Variants in ZAN observed in about 807,000 individuals in gnomAD.
The protein encoded by ZAN is zonadhesin.
In ZAN, 260 loss-of-function variants were observed where a neutral mutation model predicts 286.2. That is an observed-to-expected ratio of 0.91 (90% CI 0.82 to 1.01). The LOEUF (loss-of-function observed/expected upper bound fraction) is 1.01. ZAN is among the 50% of genes least tolerant of loss of function. ZAN has a pLI of 0.00. For missense variants in ZAN, 3,410 were observed against 3,639.2 expected (o/e 0.94, Z 1.62); for synonymous variants, 1,368 against 1,417.5 (o/e 0.97, Z 0.79).
At position 100,755,265 on chromosome 7, in the gene ZAN, G is replaced by C. The variant is rs574369357; in HGVS notation, c.3164G>C (p.Cys1055Ser). ...PPNARYESCA[C>S]PASCKSPRPS... ...AATGCCCGCTACGAATCCTGTGCTT[G>C]TCCTGCTTCGTGCAAGAGCCCCAGG... The change falls in exon 15 of 48, where the codon TGT (cysteine) becomes TCT (serine). Residue 1055 changes from cysteine (C) to serine (S), a missense_variant. This residue lies in a region of ZAN where 1,042 missense variants were observed against 1,058.0 expected (regional missense o/e 0.98). Transcript: ENST00000613979. 32 of 1,613,692 alleles carry C rather than the reference G, an allele frequency of 2.0e-5. No individual in the cohort carries two copies. The South Asian group carries it at 3.3e-4, about 17-fold the overall frequency.
intron 27 of ZAN, 114 bp downstream of exon 27, chr7:100,768,835 A>G: frequency 1.2e-6 from 1 of 817,024 alleles, no homozygotes; most frequent in Non-Finnish European, 1.9e-6. Context: ...TGTACCTCCC[A>G]ACTGGCAGGA....
intron 28 of ZAN, among the ~76,000 whole-genome samples, chr7:100,770,718 G>A (rs111459467): frequency 0.024 from 3,694 of 151,368 alleles, 159 homozygotes; most frequent in African/African-American, 0.082. Context: ...GCAGTGGCAC[G>A]ATCACAGCTC....
At chr7:100,759,549 G>A (rs541544787) in intron 17 of ZAN, among the ~76,000 whole-genome samples, 172 bp from the exon 18 acceptor site, 2 of 152,266 alleles carry the variant, frequency 1.3e-5, no homozygotes, top group South Asian at 4.1e-4. Flanking sequence ...AGGCTCTTCT[G>A]GAAGAGGCAG....
In ZAN at chr7:100,767,467, GTTTTTTTT is replaced by G. The variant is rs35803818; in HGVS notation, c.4860+229_4860+236del. ...CCCCTCCTGCTCCCAGTTTTTTGCCGTTTTTTTTTTTTTTTTTTTTTTTTTTGAGACAG... is the reference window on the plus strand; with the variant it reads ...CCCCTCCTGCTCCCAGTTTTTTGCCGTTTTTTTTTTTTTTTTTTGAGACAG... On this transcript the variant is annotated intron_variant, in intron 25 of 47. Transcript: ENST00000613979. Among the ~76,000 whole-genome samples the G allele has an allele frequency of 5.1e-5, 4 of 77,972 alleles. No individual in the cohort carries two copies. The South Asian group carries it at 1.8e-3, about 35-fold the overall frequency. 51.2% of individuals were successfully genotyped at this position (77,972 alleles called of 152,430 possible).
intron 29 of ZAN, 29 bp downstream of exon 29, chr7:100,772,049 C>T: frequency 6.5e-7 from 1 of 1,546,318 alleles, no homozygotes; most frequent in Admixed American, 2.0e-5. Context: ...GTTCCCACAG[C>T]CCATAGGCAC....
chr7:100,736,675 G>A lies in ZAN; in HGVS notation c.253+46G>A, dbSNP rs1236506184. 47 of 1,511,618 alleles carry A rather than the reference G, an allele frequency of 3.1e-5. 10 individuals are homozygous for A. The highest frequency in any genetic ancestry group is 4.2e-5 in the Non-Finnish European group (46 of 1,103,364). 93.6% of individuals were successfully genotyped at this position (1,511,618 alleles called of 1,614,324 possible). A position where few individuals can be genotyped will look rare whatever the true frequency, so the allele number is the denominator to read the frequency against. ...GGGGACCATGAGCAGGGAGGTGGCT[G>A]GGAGGCGGGAGTGGCTAGATGGAGA... On this transcript the variant is annotated intron_variant, in intron 4 of 47. Coordinates refer to ENST00000613979, the MANE Select transcript of ZAN (RefSeq NM_003386.3).
intron 26 of ZAN, 62 bp downstream of exon 26, chr7:100,768,073 C>T: frequency 6.5e-7 from 1 of 1,535,400 alleles, no homozygotes; most frequent in Non-Finnish European, 8.8e-7. Context: ...GACCTGGTCC[C>T]AGCTCCCCCA....
Position 100,746,676 on chromosome 7 carries a change from C to T in ZAN, c.905C>T (p.Ala302Val), listed in dbSNP as rs1260014515. The T allele has an allele frequency of 6.2e-7, 1 of 1,613,824 alleles. No homozygotes were observed. Among genetic ancestry groups the T allele is most frequent in the Non-Finnish European group, 8.5e-7 (1 of 1,179,898 alleles). Residue 302 changes from alanine (A) to valine (V), a missense_variant, in exon 8 of 48, where the codon GCC becomes GTC. Coordinates refer to ENST00000613979, the MANE Select transcript of ZAN (RefSeq NM_003386.3). ...YILRGQSPGA[A>V]LHIYASVLGS... ...CTCCGGGGCCAGTCTCCTGGTGCAG[C>T]CCTCCACATTTATGCTTCAGTCTTG...
At chr7:100,746,194 C>A (rs922307936) in intron 7 of ZAN, among the ~76,000 whole-genome samples, 1 of 152,042 alleles carries the variant, frequency 6.6e-6, no homozygotes, top group South Asian at 2.1e-4. Flanking sequence ...GCCATGATTG[C>A]GCCACTGCAC....
At chr7:100,737,223 A>AG (rs1384323888) in intron 5 of ZAN, 39 bp from the exon 6 acceptor site, 1 of 1,427,040 alleles carries the variant, frequency 7.0e-7, no homozygotes, top group African/African-American at 1.5e-5. Flanking sequence ...GGCCTGGCTG[A>AG]GGGGCTCATG....
intron 19 of ZAN, among the ~76,000 whole-genome samples, chr7:100,761,596 T>G (rs1809583570): frequency 6.6e-6 from 1 of 152,016 alleles, no homozygotes; most frequent in Non-Finnish European, 1.5e-5. Flanking sequence ...ATTGCACCAC[T>G]GTGCTCCAGC....
rs866767725 is a variant in ZAN at position 100,748,525 on chromosome 7, A to G, written c.1249+55A>G. The G allele has an allele frequency of 2.6e-5, 40 of 1,559,080 alleles. 1 individual carries two copies. The Middle Eastern group carries it at 5.6e-4, about 22-fold the overall frequency. Reference sequence around the variant, plus strand: ...GAAATCACTCAGTCTGCTCCCAGGTAGCAGGCTGGCTGCTGTGACTGATGG... The same window carrying G: ...GAAATCACTCAGTCTGCTCCCAGGTGGCAGGCTGGCTGCTGTGACTGATGG... On this transcript the variant is annotated intron_variant, in intron 11 of 47. Transcript: ENST00000613979.
At chr7:100,776,673 C>A in intron 34 of ZAN, 109 bp downstream of exon 34, 1 of 655,828 alleles carries the variant, frequency 1.5e-6, no homozygotes, top group Non-Finnish European at 2.1e-6. Context: ...CCCCTTCCTT[C>A]CTTTCTTCCT....
At chr7:100,765,210 G>A in intron 22 of ZAN, 142 bp from the exon 23 acceptor site, 1 of 988,936 alleles carries the variant, frequency 1.0e-6, no homozygotes, top group East Asian at 2.6e-5. Context: ...GGCTCCTTGG[G>A]GAAGCTTCTC....
Position 100,755,429 on chromosome 7 carries a change from T to G in ZAN, c.3309+19T>G. The G allele has an allele frequency of 1.9e-6, 3 of 1,608,250 alleles. No individual in the cohort carries two copies. Among genetic ancestry groups the G allele is most frequent in the Non-Finnish European group, 2.5e-6 (3 of 1,176,908 alleles). ...CTATGAGGTAAGCCCCCCGGGATGC[T>G]GGGGTCCCATGAGGGAGATTGATGG... On this transcript the variant is annotated intron_variant, in intron 15 of 47. Coordinates refer to ENST00000613979, the MANE Select transcript of ZAN (RefSeq NM_003386.3).
intron 17 of ZAN, among the ~76,000 whole-genome samples, chr7:100,759,349 T>C (rs925760932): frequency 6.6e-6 from 1 of 152,152 alleles, no homozygotes; most frequent in Non-Finnish European, 1.5e-5. Flanking sequence ...GAGGCTGCAG[T>C]GAGCTATGAT....
intron 27 of ZAN, 61 bp downstream of exon 27, chr7:100,768,782 G>T: frequency 2.1e-6 from 3 of 1,441,856 alleles, no homozygotes; most frequent in Non-Finnish European, 1.9e-6. Context: ...GCCTCGGGGG[G>T]CAGCTTGGAA....
chr7:100,762,094 C>G, intron 19 of ZAN, 121 bp from the exon 20 acceptor site: 3 of 1,281,226 alleles, frequency 2.3e-6, no homozygotes, highest in South Asian at 1.3e-5. Flanking sequence ...CAGTCCGCAC[C>G]TCTTCATCCT....
chr7:100,738,871 T>TCTCCTTCTC lies in ZAN; in HGVS notation c.766+260_766+261insCCTTCTCCT, dbSNP rs1554396765. 4.6e-4 allele frequency among the ~76,000 whole-genome samples: 11 copies of TCTCCTTCTC among 23,710 alleles called. 2 individuals carry two copies. The highest frequency in any genetic ancestry group is 2.4e-3 in the Admixed American group (4 of 1,670). The allele number at this position is 23,710 out of a possible 152,430, so 15.6% of individuals were successfully genotyped here. A position where few individuals can be genotyped will look rare whatever the true frequency, so the allele number is the denominator to read the frequency against. The stretch of plus-strand genomic sequence containing the variant: ...TTCTTCTTCTTTCTCTTCCTCTTCT[T>TCTCCTTCTC]CTTCTCCCTCTCCCTCTCCCTCTCC... On this transcript the variant is annotated intron_variant, in intron 7 of 47. Transcript: ENST00000613979.
Sources: gnomAD v4.1 joint callset for allele counts (sites outside exome capture counted in the v4.1 genomes callset) on GRCh38, gnomAD v4.1.1 for gene constraint, gnomAD v4.1.1 regional missense constraint, MANE v1.5 for transcripts, NCBI Gene and HGNC (gene_info 2026-07-23, HGNC 2026-07-21) for gene names.